The following TENM1 variants were observed in gnomAD, a reference collection of about 807,000 sequenced individuals.
TENM1 encodes teneurin-1.
A neutral mutation model predicts 174.8 loss-of-function variants in TENM1; 35 were observed. That is an observed-to-expected ratio of 0.20 (90% CI 0.15 to 0.27). The LOEUF is 0.27. Among genes scored for constraint, TENM1 ranks in the 10% least tolerant of loss-of-function variants. The pLI is 1.00. For synonymous variants in TENM1, 781 were observed against 798.7 expected (o/e 0.98, Z 0.37); for missense variants, 1,633 against 2,130.1 (o/e 0.77, Z 4.59).
chrX:124,598,834 T>C (rs2049966233), intron 11 of TENM1, among the ~76,000 whole-genome samples: 1 of 111,390 alleles, frequency 9.0e-6, no homozygotes, highest in Non-Finnish European at 1.9e-5. Context: ...AGACCTACTA[T>C]TTGATAGCAC....
chrX:124,547,844 A>G (rs934483110), intron 14 of TENM1, among the ~76,000 whole-genome samples: 1 of 111,753 alleles, frequency 8.9e-6, no homozygotes, highest in South Asian at 3.8e-4. Context: ...ATTCTATTTT[A>G]TTTATTTTTT....
At chrX:124,491,199 T>C (rs1211338644) in intron 20 of TENM1, among the ~76,000 whole-genome samples, 3 of 112,132 alleles carry the variant, frequency 2.7e-5, no homozygotes, top group African/African-American at 9.7e-5. Flanking sequence ...AGTCCAAAGA[T>C]GCAACGGATC....
intron 3 of TENM1, among the ~76,000 whole-genome samples, chrX:124,762,301 T>C (rs2054437436): frequency 8.9e-6 from 1 of 112,283 alleles, no homozygotes; most frequent in Non-Finnish European, 1.9e-5. Flanking sequence ...CACAATTCCA[T>C]ACATAGCACC....
chrX:125,170,554 C>CA, the TENM1 span, among the ~76,000 whole-genome samples: 1 of 110,931 alleles, frequency 9.0e-6, no homozygotes, highest in Admixed American at 9.6e-5. Flanking sequence ...GAGAAAAGAA[C>CA]AAAAAATGAC....
Position 124,706,188 on chromosome X carries a change from C to T in TENM1, c.777-937G>A, listed in dbSNP as rs749558997. On this transcript the variant is annotated intron_variant, in intron 4 of 31. Coordinates refer to ENST00000422452, the Ensembl canonical transcript of TENM1. ...AAGTGCTGGGATTACAGGCGTGAGCCGCTGTGCCCGGCCAGTTTTTAGTTT... is the reference window on the plus strand; with the variant it reads ...AAGTGCTGGGATTACAGGCGTGAGCTGCTGTGCCCGGCCAGTTTTTAGTTT... 2.4e-3 allele frequency among the ~76,000 whole-genome samples: 272 copies of T among 112,437 alleles called. 1 individual carries two copies. The highest frequency in any genetic ancestry group is 4.0e-3 in the Non-Finnish European group (215 of 53,282).
chrX:125,097,989 C>T, the TENM1 span, among the ~76,000 whole-genome samples: 4 of 112,530 alleles, frequency 3.6e-5, no homozygotes, highest in East Asian at 2.8e-4. Flanking sequence ...GTCGGCCGGG[C>T]GCGGTGGCTC....
intron 11 of TENM1, among the ~76,000 whole-genome samples, chrX:124,614,337 A>C (rs1569343971): frequency 8.9e-6 from 1 of 112,255 alleles, no homozygotes; most frequent in Non-Finnish European, 1.9e-5. Context: ...GAAATCTCAA[A>C]GTAATCTAGA....
chrX:125,050,964 A>C, the TENM1 span, among the ~76,000 whole-genome samples: 9 of 112,179 alleles, frequency 8.0e-5, no homozygotes, highest in Admixed American at 1.9e-4. Context: ...GTCTCAGCCC[A>C]AAATCTCCTT....
At chrX:124,559,074 AT>A (rs1359224210) in intron 14 of TENM1, among the ~76,000 whole-genome samples, 4 of 111,813 alleles carry the variant, frequency 3.6e-5, no homozygotes, top group African/African-American at 1.3e-4. Flanking sequence ...CCTTGAGGCC[AT>A]AAAAAATGGT....
chrX:124,561,747 A>G (rs1480372034), exon 14 of TENM1: 1 of 1,211,116 alleles, frequency 8.3e-7, no homozygotes, highest in Non-Finnish European at 1.1e-6. Context: ...AACCCACCTG[A>G]CACACACAGT....
intron 3 of TENM1, among the ~76,000 whole-genome samples, chrX:124,752,125 C>T (rs2054089745): frequency 9.0e-6 from 1 of 111,178 alleles, no homozygotes; most frequent in African/African-American, 3.3e-5. Context: ...AAAAGTGTTC[C>T]TATTTCTCCA....
chrX:124,539,818 C>A (rs1378333828), intron 15 of TENM1, among the ~76,000 whole-genome samples: 1 of 111,872 alleles, frequency 8.9e-6, no homozygotes, highest in Non-Finnish European at 1.9e-5. Context: ...TTGTATTTTT[C>A]TTGCAAGTCA....
At chrX:125,092,614 G>A in the TENM1 span, among the ~76,000 whole-genome samples, 1 of 111,815 alleles carries the variant, frequency 8.9e-6, no homozygotes, top group Admixed American at 9.5e-5. Flanking sequence ...ATGGTCTAAT[G>A]TGAGTAAAGT....
At chrX:124,735,390 C>A (rs1165776393) in intron 4 of TENM1, among the ~76,000 whole-genome samples, 4 of 111,801 alleles carry the variant, frequency 3.6e-5, no homozygotes, top group Non-Finnish European at 5.6e-5. Flanking sequence ...CAAATTAAGA[C>A]CACAATGAAA....
At chrX:124,768,808 G>C (rs1451662010) in intron 3 of TENM1, among the ~76,000 whole-genome samples, 1 of 112,462 alleles carries the variant, frequency 8.9e-6, no homozygotes, top group Non-Finnish European at 1.9e-5. Flanking sequence ...GGAAACATCT[G>C]GGTGATTAAT....
chrX:124,588,595 T>C (rs1219907791), intron 11 of TENM1, among the ~76,000 whole-genome samples: 1 of 110,196 alleles, frequency 9.1e-6, no homozygotes, highest in Non-Finnish European at 1.9e-5. Flanking sequence ...TAATGCTAAA[T>C]GACGAGTTAA....
intron 11 of TENM1, among the ~76,000 whole-genome samples, chrX:124,589,549 G>A (rs750274987): frequency 9.0e-6 from 1 of 110,660 alleles, no homozygotes; most frequent in Admixed American, 9.7e-5. Context: ...TCTGTTTGGG[G>A]CTCTTCTGGT....
chrX:124,894,963 A>C (rs1157925657), intron 2 of TENM1, among the ~76,000 whole-genome samples: 3 of 111,345 alleles, frequency 2.7e-5, no homozygotes, highest in Non-Finnish European at 5.7e-5. Flanking sequence ...TATGAAAATA[A>C]TCTAAAAAAA....
intron 5 of TENM1, among the ~76,000 whole-genome samples, chrX:124,673,866 T>C (rs1280760754): frequency 1.8e-5 from 2 of 111,437 alleles, no homozygotes; most frequent in Non-Finnish European, 3.8e-5. Context: ...AGGTTTTGAG[T>C]CTAACTGAAA....
Sources: allele counts gnomAD v4.1 joint callset (sites outside exome capture counted in the v4.1 genomes callset), GRCh38; gene constraint gnomAD v4.1.1; transcripts MANE v1.5; gene names NCBI Gene and HGNC (gene_info 2026-07-23, HGNC 2026-07-21).